ARMC9: variants seen among roughly 807,000 people sequenced by gnomAD.
The protein encoded by ARMC9 is lisH domain-containing protein ARMC9.
A neutral mutation model predicts 107.0 loss-of-function variants in ARMC9; 94 were observed. The observed-to-expected ratio is 0.88, with a 90% CI of 0.74 to 1.04. The LOEUF (loss-of-function observed/expected upper bound fraction) is 1.04, where lower values mean the gene tolerates loss of function less well. Ranked by LOEUF, ARMC9 falls within the 50% of genes least tolerant of loss-of-function variation. ARMC9 has a pLI of 0.00. For synonymous variants in ARMC9, 380 were observed against 396.9 expected, an observed-to-expected ratio of 0.96 and a Z score of 0.51; for missense variants, 942 against 1,030.1, an observed-to-expected ratio of 0.91 and a Z score of 1.17.
intron 9 of ARMC9, among the ~76,000 whole-genome samples, chr2:231,249,292 A>G (rs916501447): frequency 1.3e-5 from 2 of 152,290 alleles, no homozygotes; most frequent in East Asian, 1.9e-4. Context: ...ACTGCCATCC[A>G]GTGAGATTCC....
chr2:231,263,763 C>T (rs1455410009), intron 12 of ARMC9, among the ~76,000 whole-genome samples: 1 of 152,336 alleles, frequency 6.6e-6, no homozygotes, highest in East Asian at 1.9e-4. Context: ...AATAGTCTCT[C>T]ATATTCTTGA....
At position 231,227,421 on chromosome 2, in the gene ARMC9, A is replaced by G. The variant is rs557880898; in HGVS notation, c.622+623A>G. On this transcript the variant is annotated intron_variant, in intron 7 of 24. Coordinates refer to ENST00000611582, the MANE Select transcript of ARMC9 (RefSeq NM_001352754.2). The stretch of plus-strand genomic sequence containing the variant: ...ATACTACGTTTTGACAGCTGCTTAA[A>G]TGATGATGCTGGAAAGGGCCTGTGA... Among the ~76,000 whole-genome samples the G allele has an allele frequency of 1.3e-4, 20 of 152,348 alleles. 1 individual carries two copies. In the South Asian group the frequency reaches 3.3e-3, roughly 25 times the overall value.
chr2:231,364,994 G>A (rs1223991005), intron 23 of ARMC9, among the ~76,000 whole-genome samples: 1 of 152,206 alleles, frequency 6.6e-6, no homozygotes, highest in African/African-American at 2.4e-5. Flanking sequence ...TGGGAGGTGG[G>A]GTGGACGGCT....
intron 19 of ARMC9, among the ~76,000 whole-genome samples, chr2:231,314,969 C>T (rs567681927): frequency 2.0e-5 from 3 of 152,156 alleles, no homozygotes; most frequent in Admixed American, 6.5e-5. Flanking sequence ...ATAAATTGGC[C>T]GGGTGCGGTG....
At position 231,296,197 on chromosome 2, in the gene ARMC9, G is replaced by A. The variant is rs756655815; in HGVS notation, c.1718-1G>A. On this transcript the variant is annotated splice_acceptor_variant, in intron 18 of 24. Coordinates refer to ENST00000611582, the MANE Select transcript of ARMC9 (RefSeq NM_001352754.2). LOFTEE classifies it high-confidence loss of function. ...TTCATTGATTCTTTTTTTCTTTATA[G>A]AAGAGCTACCAGATGGTGTTCTTGA... 3 of 1,609,656 alleles carry A rather than the reference G, an allele frequency of 1.9e-6. No individual in the cohort carries two copies. The highest frequency in any genetic ancestry group is 2.5e-6 in the Non-Finnish European group (3 of 1,177,824).
At chr2:231,330,812 G>GTAAAGGAAGCAGGCTTTGGC (rs570673949) in intron 19 of ARMC9, among the ~76,000 whole-genome samples, 1 of 132,376 alleles carries the variant, frequency 7.6e-6, no homozygotes, top group African/African-American at 4.3e-5. Context: ...CAGGCTTTGG[G>GTAAAGGAAGCAGGCTTTGGC]TAAAGGAAGC....
chr2:231,250,709 T>C (rs1276516813), intron 9 of ARMC9, among the ~76,000 whole-genome samples: 4 of 151,990 alleles, frequency 2.6e-5, no homozygotes, highest in East Asian at 3.9e-4. Context: ...ACTAAAGCCT[T>C]GCGGGGGCCT....
chr2:231,307,880 A>T (rs550217067), intron 19 of ARMC9, among the ~76,000 whole-genome samples: 1 of 152,350 alleles, frequency 6.6e-6, no homozygotes, highest in Admixed American at 6.5e-5. Context: ...CAAATAAGAG[A>T]GGTGTTCAAG....
chr2:231,283,086 G>T (rs1373025377), intron 17 of ARMC9, among the ~76,000 whole-genome samples: 2 of 152,090 alleles, frequency 1.3e-5, no homozygotes, highest in Non-Finnish European at 2.9e-5. Flanking sequence ...TGAAGCTGAG[G>T]ATGGGGCCAT....
chr2:231,367,096 C>T (rs202089913), intron 23 of ARMC9, among the ~76,000 whole-genome samples: 2,394 of 151,942 alleles, frequency 0.016, 184 homozygotes, highest in Admixed American at 0.11. Flanking sequence ...GTGATCCCCC[C>T]GCCTCGGCCT....
intron 19 of ARMC9, among the ~76,000 whole-genome samples, chr2:231,314,068 T>C (rs2042519543): frequency 6.9e-6 from 1 of 145,200 alleles, no homozygotes; most frequent in Non-Finnish European, 1.5e-5. Context: ...CATCTTTTCT[T>C]TTTTTTTTTT....
At chr2:231,320,900 A>T (rs377496090) in intron 19 of ARMC9, among the ~76,000 whole-genome samples, 1 of 152,220 alleles carries the variant, frequency 6.6e-6, no homozygotes, top group African/African-American at 2.4e-5. Flanking sequence ...CCAGAGACCC[A>T]CAAAAATGAT....
intron 1 of ARMC9, among the ~76,000 whole-genome samples, chr2:231,205,595 A>G (rs1216191525): frequency 6.6e-6 from 1 of 152,116 alleles, no homozygotes; most frequent in Non-Finnish European, 1.5e-5. Flanking sequence ...GAGGGCTAGT[A>G]GAAAGAGTAG....
chr2:231,292,149 C>A (rs1411632231), intron 18 of ARMC9, among the ~76,000 whole-genome samples: 1 of 141,812 alleles, frequency 7.1e-6, no homozygotes, highest in East Asian at 2.1e-4. Context: ...GCCTGGGCGA[C>A]AGAGCGAAAC....
At chr2:231,319,714 G>C (rs1004908815) in intron 19 of ARMC9, among the ~76,000 whole-genome samples, 2 of 152,036 alleles carry the variant, frequency 1.3e-5, no homozygotes, top group Non-Finnish European at 2.9e-5. Context: ...ACCCCTCTCT[G>C]TACTAACTTC....
Position 231,360,163 on chromosome 2 carries a change from C to T in ARMC9, c.2132-591C>T, listed in dbSNP as rs1014129175. Among the ~76,000 whole-genome samples the T allele has an allele frequency of 2.0e-5, 3 of 152,034 alleles. No homozygotes were observed. The highest frequency in any genetic ancestry group is 2.1e-4 in the South Asian group (1 of 4,810). Reference sequence around the variant, plus strand: ...TGCTATGATGCTATCTGGGATTCTCCGTCTGCTTCCCCGTGAAGGGCTCCT... The same window carrying T: ...TGCTATGATGCTATCTGGGATTCTCTGTCTGCTTCCCCGTGAAGGGCTCCT... On this transcript the variant is annotated intron_variant, in intron 22 of 24. Transcript: ENST00000611582. The surrounding 1 kb of genome is among the most constrained non-coding windows in gnomAD (Gnocchi z 4.7).
At chr2:231,203,899 G>A (rs1251771609) in intron 1 of ARMC9, among the ~76,000 whole-genome samples, 1 of 152,168 alleles carries the variant, frequency 6.6e-6, no homozygotes, top group African/African-American at 2.4e-5. Flanking sequence ...GGTGGAGGTT[G>A]CAGTGAGCCA....
At chr2:231,199,854 C>A (rs1407290281) in intron 1 of ARMC9, among the ~76,000 whole-genome samples, 1 of 152,070 alleles carries the variant, frequency 6.6e-6, no homozygotes, top group Non-Finnish European at 1.5e-5. Context: ...GACGCCACCA[C>A]GCCCGGCTAA....
At chr2:231,278,552 G>T in intron 16 of ARMC9, 94 bp downstream of exon 16, 1 of 1,123,204 alleles carries the variant, frequency 8.9e-7, no homozygotes, top group Non-Finnish European at 1.3e-6. Context: ...GCCCAGGATG[G>T]TTGCTGTATT....
Sources: gnomAD v4.1 joint callset for allele counts (sites outside exome capture counted in the v4.1 genomes callset) on GRCh38, gnomAD v4.1.1 for gene constraint, Gnocchi (gnomAD v3.1) non-coding constraint, MANE v1.5 for transcripts, NCBI Gene and HGNC (gene_info 2026-07-23, HGNC 2026-07-21) for gene names.